ATRNL1: variants seen among roughly 807,000 people sequenced by gnomAD.
ATRNL1 encodes attractin-like protein 1.
A neutral mutation model predicts 182.7 loss-of-function variants in ATRNL1; 95 were observed. That is an observed-to-expected ratio of 0.52 (90% confidence interval 0.44 to 0.62). The LOEUF (loss-of-function observed/expected upper bound fraction) is 0.62, where lower values mean the gene tolerates loss of function less well. Ranked by LOEUF, ATRNL1 falls within the 20% of genes least tolerant of loss-of-function variation. The pLI is 0.00. For synonymous variants in ATRNL1, 576 were observed against 568.3 expected (o/e 1.01, Z -0.19); for missense variants, 1,471 against 1,679.5 (o/e 0.88, Z 2.17).
rs543094940 is a variant in ATRNL1 at position 115,739,744 on chromosome 10, G to A, written c.3903+12389G>A. The stretch of plus-strand genomic sequence containing the variant: ...CCTGTTTCTAACCTTTTAGATTGTC[G>A]TGAAGCATTCATTTTATGTCTGGTA... On this transcript the variant is annotated intron_variant, in intron 27 of 28. Coordinates refer to ENST00000355044, the MANE Select transcript of ATRNL1 (RefSeq NM_207303.4). 1.8e-4 allele frequency among the ~76,000 whole-genome samples: 27 copies of A among 152,240 alleles called. No individual in the cohort carries two copies. The South Asian group carries it at 3.7e-3, about 21-fold the overall frequency.
intron 10 of ATRNL1, among the ~76,000 whole-genome samples, chr10:115,247,233 G>A (rs1222720751): frequency 6.6e-5 from 10 of 151,956 alleles, no homozygotes; most frequent in African/African-American, 2.2e-4. Context: ...CTCCAGAAGG[G>A]GAGAAAATAT....
chr10:115,410,609 G>A (rs139926793), intron 20 of ATRNL1, among the ~76,000 whole-genome samples: 3,928 of 151,300 alleles, frequency 0.026, 159 homozygotes, highest in African/African-American at 0.086. Context: ...ATGAGCCACC[G>A]CACCTGGCCT....
At chr10:115,433,946 A>C (rs536044466) in intron 21 of ATRNL1, among the ~76,000 whole-genome samples, 78 of 152,270 alleles carry the variant, frequency 5.1e-4, no homozygotes, top group African/African-American at 1.9e-3. Context: ...ATCCTTTGTA[A>C]GGGTACTCAG....
chr10:115,838,257 C>G (rs1331560234), intron 27 of ATRNL1, among the ~76,000 whole-genome samples: 2 of 152,132 alleles, frequency 1.3e-5, no homozygotes, highest in African/African-American at 4.8e-5. Flanking sequence ...ATTGCAAAGG[C>G]TACTCCGTCT....
At chr10:115,181,092 T>C (rs1483326515) in intron 8 of ATRNL1, among the ~76,000 whole-genome samples, 1 of 151,884 alleles carries the variant, frequency 6.6e-6, no homozygotes, top group Non-Finnish European at 1.5e-5. Flanking sequence ...CTTCACCTAA[T>C]GAACAGATAA....
At chr10:115,595,199 AT>A (rs1415142991) in intron 26 of ATRNL1, among the ~76,000 whole-genome samples, 1 of 139,690 alleles carries the variant, frequency 7.2e-6, no homozygotes, top group Non-Finnish European at 1.6e-5. Flanking sequence ...GGGTGTTTGA[AT>A]TTTTTTCTTT....
chr10:115,410,723 T>C (rs2134337976), intron 20 of ATRNL1, among the ~76,000 whole-genome samples: 1 of 152,212 alleles, frequency 6.6e-6, no homozygotes, highest in Non-Finnish European at 1.5e-5. Context: ...TCTTTATATC[T>C]TCATTTAAAA....
At chr10:115,176,259 C>G (rs1554886662) in intron 8 of ATRNL1, among the ~76,000 whole-genome samples, 1 of 152,072 alleles carries the variant, frequency 6.6e-6, no homozygotes, top group Admixed American at 6.6e-5. Context: ...TGTAGGTTGC[C>G]TTTCACTCTG....
intron 28 of ATRNL1, among the ~76,000 whole-genome samples, chr10:115,852,049 A>G (rs1951069301): frequency 6.6e-6 from 1 of 152,220 alleles, no homozygotes; most frequent in Non-Finnish European, 1.5e-5. Context: ...GATTGCTGTC[A>G]CTTTGTGATG....
chr10:115,622,354 GT>G (rs1257161512), intron 26 of ATRNL1, among the ~76,000 whole-genome samples: 2 of 152,200 alleles, frequency 1.3e-5, no homozygotes, highest in Non-Finnish European at 2.9e-5. Context: ...TGGAGACAGT[GT>G]TAATCAAGTG....
rs186225552 is a variant in ATRNL1 at position 115,286,876 on chromosome 10, C to T, written c.2415+479C>T. On this transcript the variant is annotated intron_variant, in intron 15 of 28. Coordinates refer to ENST00000355044, the MANE Select transcript of ATRNL1 (RefSeq NM_207303.4). ...TCTTCCCATTAGTCTCTAAACAATA[C>T]GGCATAACAGCTATTCAATAACATT... is the stretch of plus-strand genomic sequence containing the variant. Among the ~76,000 whole-genome samples, 15 of 151,900 alleles carry T rather than the reference C, an allele frequency of 9.9e-5. No individual in the cohort carries two copies. The East Asian group carries it at 2.1e-3, about 22-fold the overall frequency.
chr10:115,878,910 G>A (rs1038138589), intron 28 of ATRNL1, among the ~76,000 whole-genome samples: 2 of 152,024 alleles, frequency 1.3e-5, no homozygotes, highest in Non-Finnish European at 2.9e-5. Flanking sequence ...CAGTGGTAGG[G>A]ATCAGAAAAG....
At chr10:115,246,823 G>C (rs1850665627) in intron 10 of ATRNL1, among the ~76,000 whole-genome samples, 1 of 148,872 alleles carries the variant, frequency 6.7e-6, no homozygotes, top group Non-Finnish European at 1.5e-5. Context: ...GCCTCCCAAA[G>C]TGCTGGGATT....
At chr10:115,388,625 G>C (rs1843797566) in intron 19 of ATRNL1, among the ~76,000 whole-genome samples, 1 of 151,522 alleles carries the variant, frequency 6.6e-6, no homozygotes, top group Non-Finnish European at 1.5e-5. Context: ...ATTATTGATA[G>C]GTTATTTTTT....
chr10:115,589,472 A>G (rs1855775104), intron 26 of ATRNL1, among the ~76,000 whole-genome samples: 1 of 152,126 alleles, frequency 6.6e-6, no homozygotes, highest in Non-Finnish European at 1.5e-5. Flanking sequence ...TAGGAACTAT[A>G]TTTCAGTATC....
At chr10:115,501,214 G>A (rs906457918) in intron 24 of ATRNL1, among the ~76,000 whole-genome samples, 9 of 152,200 alleles carry the variant, frequency 5.9e-5, no homozygotes, top group East Asian at 3.9e-4. Flanking sequence ...GATTACAGGC[G>A]TGAGCCACTG....
intron 25 of ATRNL1, among the ~76,000 whole-genome samples, chr10:115,532,511 T>C (rs1851658907): frequency 1.3e-5 from 2 of 152,132 alleles, no homozygotes; most frequent in Admixed American, 1.3e-4. Context: ...CTTATCAGTT[T>C]AAGGAGATTT....
intron 26 of ATRNL1, among the ~76,000 whole-genome samples, chr10:115,644,470 T>C (rs1243577074): frequency 4.6e-5 from 7 of 152,066 alleles, no homozygotes; most frequent in Admixed American, 1.3e-4. Context: ...AGAGATAGAG[T>C]AACTTGCTCA....
intron 26 of ATRNL1, among the ~76,000 whole-genome samples, chr10:115,556,295 T>C (rs1456486536): frequency 6.6e-6 from 1 of 152,166 alleles, no homozygotes; most frequent in African/African-American, 2.4e-5. Context: ...TTAGATATAA[T>C]TTTGTCATAT....
Sources: gnomAD v4.1 joint callset for allele counts (sites outside exome capture counted in the v4.1 genomes callset) on GRCh38, gnomAD v4.1.1 for gene constraint, MANE v1.5 for transcripts, NCBI Gene and HGNC (gene_info 2026-07-23, HGNC 2026-07-21) for gene names.